The following LRP1B variants were observed in gnomAD, a reference collection of about 807,000 sequenced individuals.
LRP1B encodes the protein LDL receptor related protein 1B.
Under a neutral mutation model 556.6 loss-of-function variants are expected in LRP1B, and 217 were observed. The observed-to-expected ratio is 0.39, with a 90% CI of 0.35 to 0.44. LRP1B has a LOEUF of 0.44. Ranked by LOEUF, LRP1B falls within the 20% of genes least tolerant of loss-of-function variation. The pLI, the probability that LRP1B is intolerant of heterozygous loss-of-function variation, is 1.00. For missense variants in LRP1B, 5,053 were observed against 5,620.8 expected (o/e 0.90, Z 3.23); for synonymous variants, 2,047 against 1,865.8 (o/e 1.10, Z -2.50).
chr2:140,968,705 A>G (rs4313918), intron 18 of LRP1B, among the ~76,000 whole-genome samples: 128,704 of 152,074 alleles, frequency 0.85, 55,020 homozygotes, highest in Non-Finnish European at 0.9. Flanking sequence ...CTTTGAATGT[A>G]TCCCAGAGAT....
chr2:140,577,689 G>T (rs765117460), intron 43 of LRP1B, among the ~76,000 whole-genome samples: 18 of 152,170 alleles, frequency 1.2e-4, no homozygotes, highest in African/African-American at 4.3e-4. Context: ...CTCCCAAAGT[G>T]CTGAGATATG....
intron 1 of LRP1B, among the ~76,000 whole-genome samples, chr2:141,832,492 T>C (rs937911071): frequency 6.6e-6 from 1 of 151,684 alleles, no homozygotes; most frequent in African/African-American, 2.4e-5. Flanking sequence ...AAACTGTCTT[T>C]AGGCGAGCTC....
intron 1 of LRP1B, among the ~76,000 whole-genome samples, chr2:141,814,438 G>A (rs1415596020): frequency 1.3e-5 from 2 of 152,240 alleles, no homozygotes; most frequent in East Asian, 3.9e-4. Flanking sequence ...CTACTATGTT[G>A]AGAATATATA....
At position 141,544,369 on chromosome 2, in the gene LRP1B, TCTTCTTCTTCTTCTCCTC is replaced by T. The variant is rs1559131480; in HGVS notation, c.206-63854_206-63837del. On this transcript the variant is annotated intron_variant, in intron 2 of 90. Transcript: ENST00000389484. ...TTCTTCTTCTTCTTCTTCTTCTTCT[TCTTCTTCTTCTTCTCCTC>T]CTCCTCCTCCTCCTCCTCCTCCTCC... Among the ~76,000 whole-genome samples, 35 of 113,722 alleles carry T rather than the reference TCTTCTTCTTCTTCTCCTC, an allele frequency of 3.1e-4. 2 individuals are homozygous for T. Among genetic ancestry groups the T allele is most frequent in the African/African-American group, 1.0e-3 (33 of 32,832 alleles). 74.6% of individuals were successfully genotyped at this position (113,722 alleles called of 152,430 possible).
Position 140,353,049 on chromosome 2 carries a change from C to T in LRP1B, c.11554G>A (p.Gly3852Ser). 6.2e-7 allele frequency: 1 copy of T among 1,612,694 alleles called. No individual in the cohort carries two copies. Among genetic ancestry groups the T allele is most frequent in the Non-Finnish European group, 8.5e-7 (1 of 1,179,320 alleles). The change falls in exon 76 of 91, where the codon GGC (glycine) becomes AGC (serine). Residue 3852 changes from glycine (G) to serine (S), a missense_variant. Gly to Ser is a moderately conservative substitution (Grantham distance 56, BLOSUM62 0). This residue lies in a region of LRP1B where 599 missense variants were observed against 648.4 expected (regional missense o/e 0.92). Transcript: ENST00000389484. ...TTTATACATTGATGGGAACATGTGC[C>T]AAACACCAAACATTCATTAAGGTCT... ...CEDLNECLVF[G>S]TCSHQCINVE...
chr2:140,971,545 A>T (rs1367218108), intron 18 of LRP1B, among the ~76,000 whole-genome samples: 1 of 152,210 alleles, frequency 6.6e-6, no homozygotes, highest in Admixed American at 6.5e-5. Flanking sequence ...TTCTTTTAAG[A>T]TAAGAATCAA....
chr2:141,726,986 T>C (rs1693063321), intron 2 of LRP1B, among the ~76,000 whole-genome samples: 1 of 152,088 alleles, frequency 6.6e-6, no homozygotes, highest in Non-Finnish European at 1.5e-5. Flanking sequence ...AATTGGGTAA[T>C]AACTAGTTCA....
chr2:141,286,874 A>G (rs567691552), intron 3 of LRP1B: 2 of 319,046 alleles, frequency 6.3e-6, no homozygotes, highest in African/African-American at 4.3e-5. Flanking sequence ...AATATTCTAC[A>G]TCGGCATTGC....
At chr2:140,289,300 C>T (rs1458868073) in intron 84 of LRP1B, among the ~76,000 whole-genome samples, 12 of 151,808 alleles carry the variant, frequency 7.9e-5, no homozygotes, top group Non-Finnish European at 1.2e-4. Flanking sequence ...ATTCGAAGTC[C>T]GCTTTATCTA....
chr2:140,885,943 C>G (rs1353902102), intron 24 of LRP1B, among the ~76,000 whole-genome samples, 195 bp downstream of exon 24: 1 of 151,608 alleles, frequency 6.6e-6, no homozygotes. Context: ...GTGTGAACAG[C>G]ACGAGCGTCA....
At chr2:140,987,858 C>T (rs183613259) in intron 17 of LRP1B, among the ~76,000 whole-genome samples, 1 of 152,006 alleles carries the variant, frequency 6.6e-6, no homozygotes, top group Non-Finnish European at 1.5e-5. Flanking sequence ...GTGGTGTGTG[C>T]CTGTAGTCCT....
chr2:140,809,239 AT>A lies in LRP1B; in HGVS notation c.5359+4417del, dbSNP rs918659142. Among the ~76,000 whole-genome samples, 86 of 151,886 alleles carry A rather than the reference AT, an allele frequency of 5.7e-4. 1 individual carries two copies. Among genetic ancestry groups the A allele is most frequent in the African/African-American group, 1.8e-3 (74 of 41,374 alleles). On this transcript the variant is annotated intron_variant, in intron 32 of 90. Transcript: ENST00000389484. ...TATATAGTAGGTTAGTTTGCATGGT[AT>A]TTTTTTAAAAAAAAATTTTAAAAAA...
chr2:140,419,824 A>G (rs930727584), intron 66 of LRP1B, among the ~76,000 whole-genome samples: 1 of 152,134 alleles, frequency 6.6e-6, no homozygotes, highest in African/African-American at 2.4e-5. Flanking sequence ...CATGGCCAAC[A>G]TGGTGAAACC....
At chr2:141,355,215 T>G (rs1046062794) in intron 3 of LRP1B, among the ~76,000 whole-genome samples, 3 of 152,268 alleles carry the variant, frequency 2.0e-5, no homozygotes, top group East Asian at 1.9e-4. Flanking sequence ...GTCATCTATA[T>G]GAACTAATGT....
intron 7 of LRP1B, among the ~76,000 whole-genome samples, chr2:141,182,536 GTT>G: frequency 6.7e-6 from 1 of 149,504 alleles, no homozygotes; most frequent in East Asian, 2.0e-4. Context: ...CATTTTATTA[GTT>G]TTTTTTTTCC....
At chr2:141,736,527 C>G (rs559249358) in intron 2 of LRP1B, among the ~76,000 whole-genome samples, 1 of 151,834 alleles carries the variant, frequency 6.6e-6, no homozygotes, top group East Asian at 1.9e-4. Context: ...AGCTAGTGGC[C>G]GAGACTCAAA....
rs1263318938 is a variant in LRP1B, at chr2:141,015,876, A to T, written c.2010T>A (p.Asp670Glu). The T allele has an allele frequency of 3.1e-6, 5 of 1,613,422 alleles. No homozygotes were observed. In the Admixed American group the frequency reaches 6.7e-5, roughly 22 times the overall value. Residue 670 changes from aspartate to glutamate, a missense_variant, in exon 13 of 91, where the codon GAT becomes GAA. Asp to Glu is a conservative substitution (Grantham distance 45). Transcript: ENST00000389484. ...CCTTCTCAATCCTTCCCACGCTGTC[A>T]TCTATTTCATCTTCCTCCCAGTCTG... ...YWTDWEEDEI[D>E]DSVGRIEKAW...
intron 2 of LRP1B, among the ~76,000 whole-genome samples, chr2:141,656,635 A>G (rs553866948): frequency 1.1e-4 from 16 of 152,268 alleles, no homozygotes; most frequent in African/African-American, 3.8e-4. Flanking sequence ...ATTGTCTGAT[A>G]TTGGGTTTAA....
At chr2:140,662,133 G>C (rs1275083494) in intron 41 of LRP1B, among the ~76,000 whole-genome samples, 2 of 151,788 alleles carry the variant, frequency 1.3e-5, no homozygotes, top group Non-Finnish European at 2.9e-5. Flanking sequence ...AATAAGGGAA[G>C]TAATAAAACA....
Sources: allele counts gnomAD v4.1 joint callset (sites outside exome capture counted in the v4.1 genomes callset), GRCh38; gene constraint gnomAD v4.1.1; regional missense constraint gnomAD v4.1.1; transcripts MANE v1.5; gene names NCBI Gene and HGNC (gene_info 2026-07-23, HGNC 2026-07-21).